PKD1L1: variants seen among roughly 807,000 people sequenced by gnomAD.
The protein encoded by PKD1L1 is polycystin-1-like protein 1.
Under a neutral mutation model 323.4 loss-of-function variants are expected in PKD1L1, and 236 were observed. The observed-to-expected ratio is 0.73, with a 90% CI of 0.66 to 0.81. The LOEUF is 0.81. Ranked by LOEUF, PKD1L1 falls within the 40% of genes least tolerant of loss-of-function variation. The pLI is 0.00. For synonymous variants in PKD1L1, 1,344 were observed against 1,335.0 expected, an observed-to-expected ratio of 1.01 and a Z score of -0.15; for missense variants, 3,320 against 3,508.0, an observed-to-expected ratio of 0.95 and a Z score of 1.35.
intron 19 of PKD1L1, among the ~76,000 whole-genome samples, chr7:47,883,274 A>C (rs1449751681): frequency 6.6e-6 from 1 of 152,218 alleles, no homozygotes; most frequent in Non-Finnish European, 1.5e-5. Context: ...GCCAACTCTT[A>C]GAGATTACAA....
intron 55 of PKD1L1, among the ~76,000 whole-genome samples, chr7:47,795,632 T>C (rs1308419275): frequency 6.6e-6 from 1 of 152,142 alleles, no homozygotes; most frequent in Non-Finnish European, 1.5e-5. Flanking sequence ...ATGTTTTGGA[T>C]AGAAGTTTGG....
At chr7:47,816,693 G>A (rs961093976) in intron 46 of PKD1L1, among the ~76,000 whole-genome samples, 5 of 152,204 alleles carry the variant, frequency 3.3e-5, no homozygotes, top group African/African-American at 1.2e-4. Context: ...TTTGTCATAA[G>A]GTGAGAAGAA....
intron 56 of PKD1L1, 122 bp from the exon 57 acceptor site, chr7:47,775,288 C>A: frequency 5.8e-6 from 6 of 1,035,830 alleles, no homozygotes; most frequent in South Asian, 1.6e-5. Context: ...GCTAACTTGA[C>A]CAAGGTGACA....
In PKD1L1 at chr7:47,835,239, T is replaced by C; in HGVS notation, c.5948A>G (p.His1983Arg). ...TCCAAGGGTGGGGCTGACGTCCAAG[T>C]GGGGCTGCAACAAAGCAACAGCAGC... ...LVAAGGQEQP[H>R]LDVSPTLGSF... Residue 1983 changes from histidine to arginine, a missense_variant, in exon 38 of 57, where the codon CAC (histidine) becomes CGC (arginine). Physicochemically the swap from His to Arg is conservative, Grantham distance 29. Coordinates refer to ENST00000289672, the MANE Select transcript of PKD1L1 (RefSeq NM_138295.5). The C allele has an allele frequency of 6.3e-7, 1 of 1,585,214 alleles. No individual in the cohort carries two copies. Among genetic ancestry groups the C allele is most frequent in the South Asian group, 1.2e-5 (1 of 84,782 alleles).
Position 47,822,366 on chromosome 7 carries a change from G to A in PKD1L1, c.6855-1180C>T, listed in dbSNP as rs182540138. Among the ~76,000 whole-genome samples, 35 of 152,032 alleles carry A rather than the reference G, an allele frequency of 2.3e-4. 2 individuals carry two copies. The East Asian group carries it at 5.6e-3, about 24-fold the overall frequency. The stretch of plus-strand genomic sequence containing the variant: ...AGCACTTTGGGAGGCCAAGGCAGGC[G>A]GATCACGAGGTCAGGAGATCGAGAC... On this transcript the variant is annotated intron_variant, in intron 45 of 56. Transcript: ENST00000289672.
At chr7:47,830,251 T>A in intron 42 of PKD1L1, 127 bp from the exon 43 acceptor site, 1 of 720,678 alleles carries the variant, frequency 1.4e-6, no homozygotes, top group Non-Finnish European at 2.3e-6. Context: ...GGAAGCCTGC[T>A]GTGGGGGTGG....
the PKD1L1 span, among the ~76,000 whole-genome samples, chr7:47,960,309 T>C: frequency 7.0e-6 from 1 of 142,512 alleles, no homozygotes; most frequent in Non-Finnish European, 1.5e-5. Context: ...CTCCCTCCAC[T>C]ATTGTCCTAT....
intron 1 of PKD1L1, among the ~76,000 whole-genome samples, chr7:47,945,057 A>C (rs1445260617): frequency 6.6e-6 from 1 of 152,116 alleles, no homozygotes; most frequent in Non-Finnish European, 1.5e-5. Context: ...CTTCTTCTAG[A>C]CACAGGCAGT....
chr7:47,803,248 T>C lies in PKD1L1; in HGVS notation c.7924A>G (p.Met2642Val). The part of the protein sequence containing the change: ...IQNTMASCSS[M>V]MRHSLPSIFV... ...ATGCTGGGGAGTGAGTGGCGCATCATGGAGGAGCAGGATGCCATTGTGTTT... is the reference window on the plus strand; with the variant it reads ...ATGCTGGGGAGTGAGTGGCGCATCACGGAGGAGCAGGATGCCATTGTGTTT... The change falls in exon 53 of 57, where the codon ATG becomes GTG. Residue 2642 changes from methionine (M) to valine (V), a missense_variant. Met to Val is a conservative substitution (Grantham distance 21). Transcript: ENST00000289672. 1 of 1,614,134 alleles carries C rather than the reference T, an allele frequency of 6.2e-7. No individual in the cohort carries two copies.
chr7:47,948,298 G>A (rs1175714784), intron 1 of PKD1L1, 99 bp downstream of exon 1: 15 of 1,403,252 alleles, frequency 1.1e-5, no homozygotes, highest in Middle Eastern at 1.8e-4. Flanking sequence ...GTGCCAGAGT[G>A]AGCCCACATC....
chr7:47,829,720 C>T, intron 43 of PKD1L1, 119 bp from the exon 44 acceptor site: 1 of 1,093,950 alleles, frequency 9.1e-7, no homozygotes, highest in Non-Finnish European at 1.3e-6. Context: ...TTAAAGACAC[C>T]AGTAGTCACT....
intron 56 of PKD1L1, among the ~76,000 whole-genome samples, chr7:47,791,747 G>GCC (rs1786954156): frequency 6.6e-6 from 1 of 152,196 alleles, no homozygotes; most frequent in Admixed American, 6.5e-5. Context: ...AGAGCTTATA[G>GCC]CAGGTACTTC....
In PKD1L1 at chr7:47,834,357, G is replaced by A. The variant is rs373877692; in HGVS notation, c.6156C>T (p.Asp2052=). 149 of 1,613,862 alleles carry A rather than the reference G, an allele frequency of 9.2e-5. No homozygotes were observed. The highest frequency in any genetic ancestry group is 2.8e-4 in the Admixed American group (17 of 59,998). ...GATTTACCTTGCGTGGCTCCTGTGC[G>A]TCTGGTATCCTTCCCCAGGAATTAG... ...HGPNSWGRIP[D]AQEPRKQPAS... is the part of the protein sequence containing the mutation. Residue 2052 remains aspartate, a synonymous_variant, in exon 40 of 57, where the codon GAC becomes GAT. Coordinates refer to ENST00000289672, the MANE Select transcript of PKD1L1 (RefSeq NM_138295.5).
intron 7 of PKD1L1, among the ~76,000 whole-genome samples, chr7:47,917,655 G>A (rs888515303): frequency 3.9e-5 from 6 of 152,088 alleles, no homozygotes; most frequent in South Asian, 2.1e-4. Flanking sequence ...CCTATAAGCC[G>A]GAAGGGTTTG....
chr7:47,821,790 C>T lies in PKD1L1; in HGVS notation c.6855-604G>A, dbSNP rs185122567. Reference sequence around the variant, plus strand: ...GCAACCTCCCCGTCCCCAGTTCAAGCGATTCTCCTGCCTCAGCCTCCTGAG... The same window carrying T: ...GCAACCTCCCCGTCCCCAGTTCAAGTGATTCTCCTGCCTCAGCCTCCTGAG... On this transcript the variant is annotated intron_variant, in intron 45 of 56. Coordinates refer to ENST00000289672, the MANE Select transcript of PKD1L1 (RefSeq NM_138295.5). 4.4e-3 allele frequency among the ~76,000 whole-genome samples: 669 copies of T among 151,626 alleles called. 3 individuals are homozygous for T. Among genetic ancestry groups the T allele is most frequent in the Non-Finnish European group, 7.8e-3 (527 of 67,892 alleles).
rs202116763 is a variant in PKD1L1, at chr7:47,837,000, G to A, written c.5864C>T (p.Pro1955Leu). Residue 1955 changes from proline to leucine, a missense_variant, in exon 37 of 57, where the codon CCG becomes CTG. By Grantham distance (98) the Pro-to-Leu change is moderately conservative. Coordinates refer to ENST00000289672, the MANE Select transcript of PKD1L1 (RefSeq NM_138295.5). ...CAGGGAGAAGGACACGGTGAGGCGCGGCGTGTGCAGGTAGCGGCTGGAGGA... is the reference window on the plus strand; with the variant it reads ...CAGGGAGAAGGACACGGTGAGGCGCAGCGTGTGCAGGTAGCGGCTGGAGGA... The part of the protein sequence containing the change: ...RPSSSRYLHT[P>L]RLTVSFSLLC... 9.2e-5 allele frequency: 149 copies of A among 1,614,192 alleles called. 1 individual carries two copies. The highest frequency in any genetic ancestry group is 1.9e-5 in the Non-Finnish European group (23 of 1,180,036).
At position 47,821,177 on chromosome 7, in the gene PKD1L1, G is replaced by T; in HGVS notation, c.6864C>A (p.Ser2288=). 1.9e-6 allele frequency: 3 copies of T among 1,602,712 alleles called. No individual in the cohort carries two copies. The highest frequency in any genetic ancestry group is 2.6e-6 in the Non-Finnish European group (3 of 1,170,018). The change falls in exon 46 of 57, where the codon TCC becomes TCA. Residue 2288 remains serine, a synonymous_variant. Transcript: ENST00000289672. ...SRTRAALRDI[S]MDILMLLLLL... ...GCAGAAGCAGCATGAGGATGTCCAT[G>T]GAAATGTCTCTGTAAGAAGAGTTTT... is the stretch of plus-strand genomic sequence containing the variant.
chr7:47,829,297 T>G (rs1395415741), intron 44 of PKD1L1, 128 bp downstream of exon 44: 1 of 900,388 alleles, frequency 1.1e-6, no homozygotes, highest in African/African-American at 1.7e-5. Context: ...CATAAGAAAT[T>G]AAGACATCCC....
chr7:47,907,771 C>T (rs1328838248), intron 9 of PKD1L1, among the ~76,000 whole-genome samples: 1 of 152,188 alleles, frequency 6.6e-6, no homozygotes, highest in East Asian at 1.9e-4. Context: ...TAAAATCTCC[C>T]AGCCCCTTAG....
Sources: allele counts gnomAD v4.1 joint callset (sites outside exome capture counted in the v4.1 genomes callset), GRCh38; gene constraint gnomAD v4.1.1; transcripts MANE v1.5; gene names NCBI Gene and HGNC (gene_info 2026-07-23, HGNC 2026-07-21).